The following ARHGEF3 variants were observed in gnomAD, a reference collection of about 807,000 sequenced individuals.
The protein encoded by ARHGEF3 is Rho guanine nucleotide exchange factor 3, also known as 59.8 kDA protein.
A neutral mutation model predicts 63.2 loss-of-function variants in ARHGEF3; 28 were observed. The ratio of observed to expected loss-of-function variants is 0.44; its 90% CI spans 0.33 to 0.61. ARHGEF3 has a LOEUF of 0.61. ARHGEF3 is among the 20% of genes least tolerant of loss of function. The pLI is 0.03. For missense variants in ARHGEF3, 533 were observed against 659.3 expected (o/e 0.81, Z 2.10); for synonymous variants, 266 against 254.2 (o/e 1.05, Z -0.44).
chr3:56,834,246 T>C (rs888071249), intron 4 of ARHGEF3, among the ~76,000 whole-genome samples: 1 of 152,108 alleles, frequency 6.6e-6, no homozygotes, highest in African/African-American at 2.4e-5. Flanking sequence ...ATTAAAATAG[T>C]TAATGTTACG....
intron 4 of ARHGEF3, among the ~76,000 whole-genome samples, chr3:56,828,779 G>C (rs965187720): frequency 3.3e-5 from 5 of 152,102 alleles, no homozygotes; most frequent in African/African-American, 1.2e-4. Context: ...ATCCATCCTG[G>C]GTTATGGCAC....
chr3:56,958,217 C>T (rs1700125897), intron 3 of ARHGEF3, among the ~76,000 whole-genome samples: 1 of 152,142 alleles, frequency 6.6e-6, no homozygotes, highest in African/African-American at 2.4e-5. Context: ...CAATGCCTGC[C>T]TCAGCAACCT....
chr3:57,028,338 T>C (rs2107193509), intron 2 of ARHGEF3, among the ~76,000 whole-genome samples: 1 of 84,540 alleles, frequency 1.2e-5, no homozygotes, highest in South Asian at 5.0e-4. Flanking sequence ...GTGGCACATA[T>C]ACACCATGGA....
intron 4 of ARHGEF3, among the ~76,000 whole-genome samples, chr3:56,860,065 T>TAGAC (rs2040020864): frequency 6.6e-6 from 1 of 151,954 alleles, no homozygotes; most frequent in African/African-American, 2.4e-5. Flanking sequence ...GATAGATAGA[T>TAGAC]AGATCGATAG....
intron 1 of ARHGEF3, among the ~76,000 whole-genome samples, chr3:57,072,388 C>T (rs1480836097): frequency 1.3e-5 from 2 of 151,142 alleles, no homozygotes; most frequent in Non-Finnish European, 2.9e-5. Flanking sequence ...CACTCTTGGA[C>T]ATAACTAAAT....
At chr3:57,061,105 C>G (rs1705198983) in intron 1 of ARHGEF3, among the ~76,000 whole-genome samples, 1 of 152,128 alleles carries the variant, frequency 6.6e-6, no homozygotes, top group African/African-American at 2.4e-5. Context: ...TAAACAGAAA[C>G]TGTGTACCCA....
chr3:56,968,788 A>G (rs570462113), intron 2 of ARHGEF3, among the ~76,000 whole-genome samples: 2 of 152,264 alleles, frequency 1.3e-5, no homozygotes, highest in South Asian at 2.1e-4. Flanking sequence ...TCAAAATCCA[A>G]TGTGTATTTT....
chr3:56,968,244 A>T (rs1700727708), intron 2 of ARHGEF3, among the ~76,000 whole-genome samples: 5 of 43,388 alleles, frequency 1.2e-4, no homozygotes, highest in African/African-American at 2.4e-4. Context: ...AAATATATAT[A>T]TTAATATATA....
chr3:57,078,796 GC>G (rs1188038280), intron 1 of ARHGEF3: 5 of 154,488 alleles, frequency 3.2e-5, no homozygotes, highest in African/African-American at 1.2e-4. Flanking sequence ...CGGGTGCCCC[GC>G]GGGGCTGGAG....
chr3:56,899,115 G>A (rs1384418388), intron 3 of ARHGEF3, among the ~76,000 whole-genome samples: 1 of 152,114 alleles, frequency 6.6e-6, no homozygotes, highest in Non-Finnish European at 1.5e-5. Flanking sequence ...GTGAGGAGGT[G>A]GGAGTTTCAA....
chr3:57,019,561 G>A (rs1428858510), intron 2 of ARHGEF3, among the ~76,000 whole-genome samples: 1 of 152,176 alleles, frequency 6.6e-6, no homozygotes, highest in East Asian at 1.9e-4. Flanking sequence ...AAGTTGGCAT[G>A]TGTGTCAGAT....
intron 3 of ARHGEF3, among the ~76,000 whole-genome samples, chr3:56,946,867 C>T (rs571319182): frequency 1.4e-3 from 217 of 152,300 alleles, no homozygotes; most frequent in Non-Finnish European, 2.6e-3. Flanking sequence ...ATGTTAAGGG[C>T]AGCCAGAGAG....
At chr3:56,852,563 A>C (rs1353790083) in intron 4 of ARHGEF3, among the ~76,000 whole-genome samples, 1 of 152,136 alleles carries the variant, frequency 6.6e-6, no homozygotes, top group East Asian at 1.9e-4. Context: ...CAAATTCTCT[A>C]ATGCGTCAGC....
intron 3 of ARHGEF3, among the ~76,000 whole-genome samples, chr3:56,945,281 G>A (rs1699425032): frequency 6.6e-6 from 1 of 152,096 alleles, no homozygotes; most frequent in Non-Finnish European, 1.5e-5. Context: ...CAGGACAGTG[G>A]ATGCAGTTCA....
At chr3:56,967,559 T>G (rs1400882950) in intron 2 of ARHGEF3, among the ~76,000 whole-genome samples, 1 of 91,730 alleles carries the variant, frequency 1.1e-5, no homozygotes, top group African/African-American at 4.4e-5. Flanking sequence ...GTACATTATA[T>G]AATATATAAT....
intron 3 of ARHGEF3, among the ~76,000 whole-genome samples, chr3:56,908,510 G>A (rs1457132357): frequency 6.6e-6 from 1 of 152,186 alleles, no homozygotes. Context: ...CACCATAATG[G>A]TTCTGCAGTT....
At chr3:57,028,062 G>A (rs541872375) in intron 2 of ARHGEF3, among the ~76,000 whole-genome samples, 3 of 150,954 alleles carry the variant, frequency 2.0e-5, no homozygotes, top group Admixed American at 6.6e-5. Context: ...GAGAGGATGT[G>A]GAGAAATAGG....
At position 56,922,135 on chromosome 3, in the gene ARHGEF3, G is replaced by A. The variant is rs370678145; in HGVS notation, c.129+36688C>T. 8.2e-4 allele frequency among the ~76,000 whole-genome samples: 125 copies of A among 151,578 alleles called. 3 individuals carry two copies. The South Asian group carries it at 0.021, about 25-fold the overall frequency. ...AAGCAGCCACCGGCCTGGCCGCTGC[G>A]GTTCTGCCTCCTTGACTAACACAAG... On this transcript the variant is annotated intron_variant, in intron 3 of 12. Transcript: ENST00000338458.
At chr3:56,736,448 A>AT (rs1216640557) in intron 8 of ARHGEF3, among the ~76,000 whole-genome samples, 3 of 152,238 alleles carry the variant, frequency 2.0e-5, no homozygotes, top group Non-Finnish European at 4.4e-5. Flanking sequence ...ATAGGTTGTT[A>AT]TTTTTAAAAA....
Sources: allele counts gnomAD v4.1 joint callset (sites outside exome capture counted in the v4.1 genomes callset), GRCh38; gene constraint gnomAD v4.1.1; transcripts MANE v1.5; gene names NCBI Gene and HGNC (gene_info 2026-07-23, HGNC 2026-07-21).